The following IQCK variants were observed in gnomAD, a reference collection of about 807,000 sequenced individuals.
IQCK encodes IQ motif containing K.
In IQCK, 29 loss-of-function variants were observed where a neutral mutation model predicts 28.1. The observed-to-expected ratio is 1.03, with a 90% CI of 0.77 to 1.41. The LOEUF is 1.41. Among genes scored for constraint, IQCK ranks in the 40% most tolerant of loss-of-function variants. The pLI is 0.00. For missense variants in IQCK, 359 were observed against 314.7 expected (o/e 1.14, Z -1.07); for synonymous variants, 113 against 115.1 (o/e 0.98, Z 0.12).
At chr16:19,801,462 GC>G (rs1399139366) in intron 7 of IQCK, among the ~76,000 whole-genome samples, 1 of 131,526 alleles carries the variant, frequency 7.6e-6, no homozygotes, top group Non-Finnish European at 1.5e-5. Context: ...ACTCCACCAT[GC>G]CTGGCTAATT....
intron 4 of IQCK, among the ~76,000 whole-genome samples, chr16:19,752,827 G>C (rs9930596): frequency 0.023 from 3,515 of 152,264 alleles, 116 homozygotes; most frequent in African/African-American, 0.08. Flanking sequence ...GCCTCCCAAA[G>C]TGTTGCGATT....
chr16:19,729,339 C>G (rs1453310036), intron 1 of IQCK, among the ~76,000 whole-genome samples: 2 of 152,008 alleles, frequency 1.3e-5, no homozygotes, highest in Non-Finnish European at 1.5e-5. Context: ...AACTCCTGAC[C>G]TAGTGATCCA....
chr16:19,818,429 G>C (rs1019442487), intron 7 of IQCK, among the ~76,000 whole-genome samples: 5 of 152,104 alleles, frequency 3.3e-5, no homozygotes, highest in African/African-American at 1.2e-4. Flanking sequence ...TTTCGCTCTT[G>C]TCATTCAGGC....
chr16:19,831,789 A>C (rs1182058735), downstream of IQCK, among the ~76,000 whole-genome samples: 1 of 152,088 alleles, frequency 6.6e-6, no homozygotes. Flanking sequence ...CATAGCTTAG[A>C]GCAACCTTGG....
At chr16:19,737,464 C>T (rs1250628741) in intron 4 of IQCK, among the ~76,000 whole-genome samples, 1 of 152,172 alleles carries the variant, frequency 6.6e-6, no homozygotes, top group Non-Finnish European at 1.5e-5. Flanking sequence ...AATTGCCTGC[C>T]ACTTAATTTG....
chr16:19,754,212 C>T (rs553525479), intron 4 of IQCK, among the ~76,000 whole-genome samples: 15 of 152,126 alleles, frequency 9.9e-5, no homozygotes, highest in South Asian at 2.1e-4. Context: ...ACACTGGGGC[C>T]GTGCCTTACT....
intron 7 of IQCK, among the ~76,000 whole-genome samples, chr16:19,807,988 T>C (rs1209045089): frequency 1.3e-5 from 2 of 152,190 alleles, no homozygotes; most frequent in African/African-American, 4.8e-5. Context: ...AAATCCTGTT[T>C]TGTTTTTTTT....
At chr16:19,785,265 GCCCT>G (rs1393278147) in intron 6 of IQCK, among the ~76,000 whole-genome samples, 2 of 152,196 alleles carry the variant, frequency 1.3e-5, no homozygotes, top group African/African-American at 4.8e-5. Flanking sequence ...TCTGCTGGGT[GCCCT>G]TGAGCAGAGA....
intron 1 of IQCK, among the ~76,000 whole-genome samples, chr16:19,720,495 T>C (rs1977459422): frequency 1.3e-5 from 2 of 152,216 alleles, no homozygotes; most frequent in Non-Finnish European, 2.9e-5. Context: ...ACAGGGCTGT[T>C]GTGGGGACCA....
chr16:19,837,357 C>T (rs933684030), intron 9 of IQCK, among the ~76,000 whole-genome samples: 1 of 152,112 alleles, frequency 6.6e-6, no homozygotes, highest in African/African-American at 2.4e-5. Context: ...GCCATGATCA[C>T]GCTGCTGTAC....
chr16:19,778,665 A>C (rs1311859848), intron 6 of IQCK, among the ~76,000 whole-genome samples: 1 of 152,104 alleles, frequency 6.6e-6, no homozygotes, highest in Admixed American at 6.6e-5. Flanking sequence ...TCAAAAAAAA[A>C]TAAAAATAAA....
chr16:19,735,534 TC>T, intron 4 of IQCK, 84 bp downstream of exon 4: 1 of 1,144,844 alleles, frequency 8.7e-7, no homozygotes, highest in Non-Finnish European at 1.3e-6. Flanking sequence ...CTTGGTACCA[TC>T]AGGTTGTTCT....
intron 6 of IQCK, among the ~76,000 whole-genome samples, chr16:19,783,400 A>G (rs1262444744): frequency 6.6e-6 from 1 of 152,124 alleles, no homozygotes; most frequent in East Asian, 1.9e-4. Context: ...TTGGAAACAT[A>G]CCCAGCAGTG....
At position 19,748,654 on chromosome 16, in the gene IQCK, A is replaced by G. The variant is rs116852122; in HGVS notation, c.474+13204A>G. Among the ~76,000 whole-genome samples the G allele has an allele frequency of 4.2e-3, 635 of 152,264 alleles. 3 individuals are homozygous for G. The highest frequency in any genetic ancestry group is 0.014 in the African/African-American group (569 of 41,556). The stretch of plus-strand genomic sequence containing the variant: ...CCCCATGGCCTCTTCTGGTTGACCA[A>G]TTGTTACATGAGTGAATGGAGGGTG... On this transcript the variant is annotated intron_variant, in intron 4 of 7. Transcript: ENST00000564186.
intron 7 of IQCK, among the ~76,000 whole-genome samples, chr16:19,813,081 A>G (rs2141069759): frequency 1.3e-5 from 2 of 152,322 alleles, no homozygotes; most frequent in East Asian, 3.9e-4. Flanking sequence ...CATGGACCAT[A>G]TTTTAGGTAT....
intron 4 of IQCK, among the ~76,000 whole-genome samples, chr16:19,751,382 G>A (rs574869623): frequency 1.3e-5 from 2 of 152,248 alleles, no homozygotes; most frequent in African/African-American, 4.8e-5. Context: ...GGAGGCTGAG[G>A]TGAGAGGATT....
At chr16:19,793,702 C>T (rs557061829) in intron 7 of IQCK, among the ~76,000 whole-genome samples, 1 of 50,246 alleles carries the variant, frequency 2.0e-5, no homozygotes, top group Non-Finnish European at 3.0e-5. Context: ...TCCTAAAATT[C>T]GTATGAAGAT....
At chr16:19,749,252 T>C (rs1379755440) in intron 4 of IQCK, among the ~76,000 whole-genome samples, 1 of 152,236 alleles carries the variant, frequency 6.6e-6, no homozygotes, top group Non-Finnish European at 1.5e-5. Context: ...GATGTTTCCA[T>C]GATACCATAG....
chr16:19,833,350 A>G (rs917210241), intron 9 of IQCK, among the ~76,000 whole-genome samples: 2 of 152,214 alleles, frequency 1.3e-5, no homozygotes, highest in African/African-American at 4.8e-5. Flanking sequence ...TTTGTTCGGG[A>G]AATACTCAGC....
Sources: gnomAD v4.1 joint callset for allele counts (sites outside exome capture counted in the v4.1 genomes callset) on GRCh38, gnomAD v4.1.1 for gene constraint, MANE v1.5 for transcripts, NCBI Gene and HGNC (gene_info 2026-07-23, HGNC 2026-07-21) for gene names.